MTAP: variants seen among roughly 807,000 people sequenced by gnomAD.
MTAP encodes methylthioadenosine phosphorylase, also known as S-methyl-5'-thioadenosine phosphorylase.
In MTAP, 33 loss-of-function variants were observed where a neutral mutation model predicts 33.6. The observed-to-expected ratio is 0.98, with a 90% CI of 0.74 to 1.31. MTAP has a LOEUF of 1.31. MTAP is among the 40% of genes most tolerant of loss of function. The pLI is 0.00. For missense variants in MTAP, 367 were observed against 360.0 expected (o/e 1.02, Z -0.16); for synonymous variants, 148 against 125.7 (o/e 1.18, Z -1.19).
At chr9:21,913,311 G>T (rs1328323921) in intron 1 of MTAP, among the ~76,000 whole-genome samples, 2 of 152,158 alleles carry the variant, frequency 1.3e-5, no homozygotes, top group Non-Finnish European at 2.9e-5. Flanking sequence ...AAAAGAGCCT[G>T]CACCGCCAAG....
Position 21,863,117 on chromosome 9 carries a change from AG to A in MTAP, c.*1105del, listed in dbSNP as rs200216058. 2,132 of 982,022 alleles carry A rather than the reference AG, an allele frequency of 2.2e-3. 53 individuals are homozygous for A. The African/African-American group carries it at 0.034, about 16-fold the overall frequency. The allele number at this position is 982,022 out of a possible 1,614,324, so 60.8% of individuals were successfully genotyped here. On this transcript the variant is annotated 3_prime_UTR_variant, in exon 8 of 8. Coordinates refer to ENST00000644715, the MANE Select transcript of MTAP (RefSeq NM_002451.4). ...TTGCAACAGCTTTCTGAGAAAAGCT[AG>A]GTGTTTAATAGTTTAACTGAAAGTT...
intron 1 of MTAP, among the ~76,000 whole-genome samples, chr9:21,905,384 C>A (rs540269891): frequency 6.6e-6 from 1 of 151,902 alleles, no homozygotes; most frequent in Non-Finnish European, 1.5e-5. Flanking sequence ...CCCTGCCCCC[C>A]TCCCTGTATC....
At chr9:21,915,762 G>C (rs1335309555) in intron 1 of MTAP, among the ~76,000 whole-genome samples, 1 of 152,114 alleles carries the variant, frequency 6.6e-6, no homozygotes, top group Non-Finnish European at 1.5e-5. Context: ...CAGCATGGCA[G>C]CTCACATCTG....
intron 5 of MTAP, among the ~76,000 whole-genome samples, chr9:21,842,590 A>G (rs932710747): frequency 2.0e-5 from 3 of 152,206 alleles, no homozygotes; most frequent in African/African-American, 7.2e-5. Context: ...GCCAGAAGGG[A>G]TTGGAGTCCC....
intron 1 of MTAP, chr9:21,930,804 A>G (rs10811639): frequency 0.061 from 42,376 of 699,790 alleles, 10,291 homozygotes; most frequent in African/African-American, 0.59. Flanking sequence ...AGTACAAAAC[A>G]ACATCAGACA....
chr9:21,925,085 A>C (rs766620778), intron 1 of MTAP, among the ~76,000 whole-genome samples: 3 of 152,226 alleles, frequency 2.0e-5, no homozygotes, highest in Admixed American at 2.0e-4. Context: ...GTCAGCCCCA[A>C]TTGGGATTAC....
intron 4 of MTAP, among the ~76,000 whole-genome samples, chr9:21,821,549 G>A (rs186196300): frequency 2.0e-3 from 302 of 151,718 alleles, no homozygotes; most frequent in African/African-American, 6.6e-3. Context: ...GAGGATTTTT[G>A]CATCGATGTT....
intron 1 of MTAP, among the ~76,000 whole-genome samples, chr9:21,894,378 A>C (rs1296879509): frequency 1.3e-5 from 2 of 152,098 alleles, no homozygotes; most frequent in Non-Finnish European, 2.9e-5. Flanking sequence ...ACTCCTAATC[A>C]ACATAGTACT....
chr9:21,845,535 G>A, intron 5 of MTAP, among the ~76,000 whole-genome samples: 1 of 152,110 alleles, frequency 6.6e-6, no homozygotes. Context: ...CAAAAAAATG[G>A]AAACATACCA....
At chr9:21,851,097 T>C (rs1408519620) in intron 5 of MTAP, among the ~76,000 whole-genome samples, 1 of 152,196 alleles carries the variant, frequency 6.6e-6, no homozygotes, top group Non-Finnish European at 1.5e-5. Context: ...CCATGCCCTG[T>C]AATTAAGGTC....
downstream of MTAP, chr9:21,941,032 A>G: frequency 1.0e-6 from 1 of 979,410 alleles, no homozygotes; most frequent in South Asian, 4.7e-5. Flanking sequence ...AAATCATGAC[A>G]TCCTATAGTA....
chr9:21,876,987 G>A (rs1375957256), intron 1 of MTAP, among the ~76,000 whole-genome samples: 5 of 151,986 alleles, frequency 3.3e-5, no homozygotes, highest in Non-Finnish European at 4.4e-5. Flanking sequence ...CTTCCTGTTC[G>A]TGAGCATGGA....
chr9:21,842,448 A>G (rs1289284877), intron 5 of MTAP, among the ~76,000 whole-genome samples: 2 of 152,230 alleles, frequency 1.3e-5, no homozygotes, highest in African/African-American at 4.8e-5. Flanking sequence ...AGCTAGGCAC[A>G]TATTTATCAG....
Position 21,865,328 on chromosome 9 carries a change from A to T in MTAP, c.*3314A>T. 1 of 634,400 alleles carries T rather than the reference A, an allele frequency of 1.6e-6. No homozygotes were observed. The highest frequency in any genetic ancestry group is 2.0e-6 in the Non-Finnish European group (1 of 509,562). 39.3% of individuals were successfully genotyped at this position (634,400 alleles called of 1,614,324 possible). A position where few individuals can be genotyped will look rare whatever the true frequency, so the allele number is the denominator to read the frequency against. On this transcript the variant is annotated 3_prime_UTR_variant, in exon 8 of 8. Coordinates refer to ENST00000644715, the MANE Select transcript of MTAP (RefSeq NM_002451.4). ...TGTTTCCCCTTCTGCCACGATTGTAAGTTTCCTGAGGCCTTCCCAGCTATG... is the reference window on the plus strand; with the variant it reads ...TGTTTCCCCTTCTGCCACGATTGTATGTTTCCTGAGGCCTTCCCAGCTATG...
chr9:21,907,243 T>C (rs1181529192), intron 1 of MTAP, among the ~76,000 whole-genome samples: 1 of 152,180 alleles, frequency 6.6e-6, no homozygotes, highest in Non-Finnish European at 1.5e-5. Context: ...ATGCTCTTAG[T>C]GATTAAATAG....
At position 21,887,874 on chromosome 9, in the gene MTAP, G is replaced by C. The variant is rs186366745; in HGVS notation, c.147+33004G>C. On this transcript the variant is annotated intron_variant, in intron 1 of 1. Transcript: ENST00000577563. The stretch of plus-strand genomic sequence containing the variant: ...TGGTTAGATATATCCTAAGTTTTGT[G>C]TGGGGGGGTTGCAGCTATTGTAAAA... Among the ~76,000 whole-genome samples the C allele has an allele frequency of 5.3e-5, 8 of 151,848 alleles. No homozygotes were observed. The East Asian group carries it at 1.5e-3, about 29-fold the overall frequency.
At chr9:21,857,349 C>T (rs989996714) in intron 6 of MTAP, among the ~76,000 whole-genome samples, 2 of 152,200 alleles carry the variant, frequency 1.3e-5, no homozygotes, top group East Asian at 3.8e-4. Context: ...CCCAGCCTGT[C>T]ACTGCTTTGT....
At position 21,865,279 on chromosome 9, in the gene MTAP, C is replaced by A; in HGVS notation, c.*3265C>A. Reference sequence around the variant, plus strand: ...CCCTTTTGCTCAACACTTCTTCCTGCCATCATGTGAAGAAGGACGTGTTTG... The same window carrying A: ...CCCTTTTGCTCAACACTTCTTCCTGACATCATGTGAAGAAGGACGTGTTTG... On this transcript the variant is annotated 3_prime_UTR_variant, in exon 8 of 8. Coordinates refer to ENST00000644715, the MANE Select transcript of MTAP (RefSeq NM_002451.4). 2.3e-6 allele frequency: 1 copy of A among 435,922 alleles called. No homozygotes were observed. The highest frequency in any genetic ancestry group is 3.0e-6 in the Non-Finnish European group (1 of 328,018). The allele number at this position is 435,922 out of a possible 1,614,324, so 27.0% of individuals were successfully genotyped here.
chr9:21,932,744 T>C (rs1308616903), downstream of MTAP: 2 of 152,162 alleles, frequency 1.3e-5, no homozygotes, highest in Non-Finnish European at 2.9e-5. Context: ...AATAATAAAA[T>C]ACGTCTCCCA....
Sources: allele counts gnomAD v4.1 joint callset (sites outside exome capture counted in the v4.1 genomes callset), GRCh38; gene constraint gnomAD v4.1.1; transcripts MANE v1.5; gene names NCBI Gene and HGNC (gene_info 2026-07-23, HGNC 2026-07-21).